Variants in SCARB1 observed in about 807,000 individuals in gnomAD.
SCARB1 encodes scavenger receptor class B member 1.
In SCARB1, 30 loss-of-function variants were observed where a neutral mutation model predicts 57.2. The observed-to-expected ratio is 0.52, with a 90% confidence interval of 0.39 to 0.71. The LOEUF (loss-of-function observed/expected upper bound fraction) is 0.71, where lower values mean the gene tolerates loss of function less well. SCARB1 is among the 30% of genes least tolerant of loss of function. SCARB1 has a pLI of 0.00. For missense variants in SCARB1, 543 were observed against 671.2 expected (o/e 0.81, Z 2.11); for synonymous variants, 249 against 268.3 (o/e 0.93, Z 0.70).
Position 124,814,259 on chromosome 12 carries a change from G to A in SCARB1, c.573C>T (p.Ile191=). The change falls in exon 4 of 13, where the codon ATC becomes ATT. Residue 191 remains isoleucine (I), a synonymous_variant. Coordinates refer to ENST00000261693, the MANE Select transcript of SCARB1 (RefSeq NM_005505.5). The surrounding 1 kb of genome is among the most constrained non-coding windows in gnomAD (Gnocchi z 4.7). ...GGAACATGCCTGGAAAGTACTTGTT[G>A]ATGAGATTCACAAGGGGGTCCTTGT... ...WGYKDPLVNL[I]NKYFPGMFPF... 1 of 1,614,208 alleles carries A rather than the reference G, an allele frequency of 6.2e-7. No individual in the cohort carries two copies. The highest frequency in any genetic ancestry group is 8.5e-7 in the Non-Finnish European group (1 of 1,180,046).
chr12:124,798,809 A>G (rs1477223187), intron 8 of SCARB1, among the ~76,000 whole-genome samples: 1 of 150,720 alleles, frequency 6.6e-6, no homozygotes, highest in Non-Finnish European at 1.5e-5. Flanking sequence ...GTGCCACTGC[A>G]CTCCAGCCTG....
chr12:124,780,319 A>T (rs1170681670), intron 12 of SCARB1, among the ~76,000 whole-genome samples: 1 of 152,228 alleles, frequency 6.6e-6, no homozygotes, highest in Non-Finnish European at 1.5e-5. Context: ...CCTGCCCTAC[A>T]GCAGGCCTCA....
intron 1 of SCARB1, among the ~76,000 whole-genome samples, chr12:124,828,596 A>C (rs749431909): frequency 1.3e-5 from 2 of 152,192 alleles, no homozygotes; most frequent in Non-Finnish European, 2.9e-5. Flanking sequence ...TCAATGGCTC[A>C]TCTCATCGAA....
Position 124,800,167 on chromosome 12 carries a change from T to C in SCARB1, c.1085A>G (p.His362Arg). 1 of 1,613,886 alleles carries C rather than the reference T, an allele frequency of 6.2e-7. No individual in the cohort carries two copies. Among genetic ancestry groups the C allele is most frequent in the Non-Finnish European group, 8.5e-7 (1 of 1,179,908 alleles). The change falls in exon 8 of 13, where the codon CAC (histidine) becomes CGC (arginine). Residue 362 changes from histidine to arginine, a missense_variant. His to Arg is a conservative substitution (Grantham distance 29). Coordinates refer to ENST00000261693, the MANE Select transcript of SCARB1 (RefSeq NM_005505.5). This position sits in a 1 kb window ranked among gnomAD's most constrained non-coding sequence, Gnocchi z 4.8. ...CAAGGAGTGTGCCTCCTGGTTAGGG[T>C]GCAGGCCAGTCACCGCTTCTGCCAG... The part of the protein sequence containing the change: ...PVLAEAVTGL[H>R]PNQEAHSLFL...
chr12:124,813,339 C>G (rs995404764), intron 4 of SCARB1, among the ~76,000 whole-genome samples: 2 of 152,178 alleles, frequency 1.3e-5, no homozygotes, highest in African/African-American at 4.8e-5. Flanking sequence ...TGCTGACACT[C>G]TAGCAGCCAA....
At chr12:124,802,866 C>T (rs1438517432) in intron 7 of SCARB1, among the ~76,000 whole-genome samples, 2 of 152,156 alleles carry the variant, frequency 1.3e-5, no homozygotes, top group South Asian at 4.1e-4. Flanking sequence ...AAGGCAAAGG[C>T]ATGGTACCTT....
chr12:124,853,390 G>GTTTTT (rs757246980), intron 1 of SCARB1, among the ~76,000 whole-genome samples: 11 of 122,524 alleles, frequency 9.0e-5, no homozygotes, highest in Non-Finnish European at 1.2e-4. Context: ...GCATAGTTTT[G>GTTTTT]TTTTTTTTTT....
chr12:124,837,708 G>A (rs1338001252), intron 1 of SCARB1, among the ~76,000 whole-genome samples: 1 of 151,056 alleles, frequency 6.6e-6, no homozygotes, highest in African/African-American at 2.4e-5. Context: ...GCAACATAGT[G>A]AGGACCCCCC....
intron 8 of SCARB1, among the ~76,000 whole-genome samples, chr12:124,799,381 C>G (rs1448812557): frequency 3.3e-5 from 5 of 151,936 alleles, no homozygotes; most frequent in African/African-American, 1.2e-4. Context: ...AAAAATTAGC[C>G]AGGCATGGTG....
chr12:124,809,702 C>T (rs1950453897), intron 6 of SCARB1, among the ~76,000 whole-genome samples: 2 of 152,162 alleles, frequency 1.3e-5, no homozygotes, highest in South Asian at 2.1e-4. Flanking sequence ...CAGAATGGAA[C>T]ACGACACAGC....
chr12:124,812,204 G>A lies in SCARB1; in HGVS notation c.631-239C>T, dbSNP rs12297430. Among the ~76,000 whole-genome samples the A allele has an allele frequency of 0.071, 10,775 of 152,196 alleles. 1,093 individuals are homozygous for A. The highest frequency in any genetic ancestry group is 0.22 in the African/African-American group (9,271 of 41,492). ...CCACCCTCCCTTCCTAACTCCAGGA[G>A]AGTCTGGCTTTCCTCCCAGGTAAAT... On this transcript the variant is annotated intron_variant, in intron 4 of 12. Coordinates refer to ENST00000261693, the MANE Select transcript of SCARB1 (RefSeq NM_005505.5). The surrounding 1 kb of genome is among the most constrained non-coding windows in gnomAD (Gnocchi z 4.3).
rs906291018 is a variant in SCARB1 at position 124,815,214 on chromosome 12, C to G, written c.285-100G>C. On this transcript the variant is annotated intron_variant, in intron 2 of 12. Transcript: ENST00000261693. The stretch of plus-strand genomic sequence containing the variant: ...CTGCCTGGGAACCAGGGGCCCTGGA[C>G]GTCTGTGCACACCTCCGGCCCCACA... 10 of 1,345,454 alleles carry G rather than the reference C, an allele frequency of 7.4e-6. 1 individual carries two copies. In the Admixed American group the frequency reaches 1.4e-4, roughly 19 times the overall value. The allele number at this position is 1,345,454 out of a possible 1,614,324, so 83.3% of individuals were successfully genotyped here.
chr12:124,819,793 G>A (rs1260345484), intron 1 of SCARB1, among the ~76,000 whole-genome samples: 1 of 152,250 alleles, frequency 6.6e-6, no homozygotes, highest in Non-Finnish European at 1.5e-5. Context: ...CCAGCCCCAT[G>A]TCCCCCGGAA....
At chr12:124,845,850 C>CAAA in intron 1 of SCARB1, among the ~76,000 whole-genome samples, 1 of 109,006 alleles carries the variant, frequency 9.2e-6, no homozygotes, top group Admixed American at 9.6e-5. Context: ...ACTAAAAATA[C>CAAA]AAAAAAAAAA....
intron 1 of SCARB1, among the ~76,000 whole-genome samples, chr12:124,852,185 C>A (rs551335140): frequency 6.6e-6 from 1 of 152,282 alleles, no homozygotes; most frequent in South Asian, 2.1e-4. Context: ...TCTTTATACA[C>A]CCGCATCCCT....
intron 1 of SCARB1, among the ~76,000 whole-genome samples, chr12:124,826,608 CTATTTTTT>C (rs552981072): frequency 0.014 from 2,165 of 152,104 alleles, 24 homozygotes; most frequent in Admixed American, 0.023. Context: ...CCACGCCCGG[CTATTTTTT>C]TATTTTTTTA....
intron 8 of SCARB1, among the ~76,000 whole-genome samples, chr12:124,797,807 G>A (rs1342268443): frequency 6.6e-6 from 1 of 152,222 alleles, no homozygotes; most frequent in African/African-American, 2.4e-5. Flanking sequence ...GGCTAAGGAG[G>A]CCTGGGAGGA....
chr12:124,814,476 G>A lies in SCARB1; in HGVS notation c.427-71C>T. The A allele has an allele frequency of 6.6e-7, 1 of 1,510,386 alleles. No homozygotes were observed. The highest frequency in any genetic ancestry group is 9.2e-7 in the Non-Finnish European group (1 of 1,089,422). 93.6% of individuals were successfully genotyped at this position (1,510,386 alleles called of 1,614,324 possible). ...CCCATCCTCCCTTGGCCCCAGCTGG[G>A]CCTCACAGCAAAGAGCCCATGAAGG... is the stretch of plus-strand genomic sequence containing the variant. On this transcript the variant is annotated intron_variant, in intron 3 of 12. Coordinates refer to ENST00000261693, the MANE Select transcript of SCARB1 (RefSeq NM_005505.5). The surrounding 1 kb of genome is among the most constrained non-coding windows in gnomAD (Gnocchi z 4.7).
In SCARB1 at chr12:124,796,146, G is replaced by T. The variant is rs905180684; in HGVS notation, c.1129-878C>A. Among the ~76,000 whole-genome samples, 3 of 152,196 alleles carry T rather than the reference G, an allele frequency of 2.0e-5. No individual in the cohort carries two copies. The highest frequency in any genetic ancestry group is 4.4e-5 in the Non-Finnish European group (3 of 68,042). On this transcript the variant is annotated intron_variant, in intron 8 of 12. Transcript: ENST00000261693. The surrounding 1 kb of genome is among the most constrained non-coding windows in gnomAD (Gnocchi z 4.0). ...TTTTTGTATTTTTAGTAAAGACAGGGTTTCACCATGTTGACCAGGCTGGTC... is the reference window on the plus strand; with the variant it reads ...TTTTTGTATTTTTAGTAAAGACAGGTTTTCACCATGTTGACCAGGCTGGTC...
Sources: allele counts gnomAD v4.1 joint callset (sites outside exome capture counted in the v4.1 genomes callset), GRCh38; gene constraint gnomAD v4.1.1; non-coding constraint Gnocchi (gnomAD v3.1); transcripts MANE v1.5; gene names NCBI Gene and HGNC (gene_info 2026-07-23, HGNC 2026-07-21).